The following SAMD5 variants were observed in gnomAD, a reference collection of about 807,000 sequenced individuals.
The protein encoded by SAMD5 is sterile alpha motif domain containing 5, also known as sterile alpha motif domain-containing protein 5.
SAMD5 carries 13 observed loss-of-function variants against 11.3 expected under a neutral mutation model. The observed-to-expected ratio is 1.15, with a 90% CI of 0.75 to 1.83. The LOEUF is 1.83. SAMD5 is among the 40% of genes most tolerant of loss of function. The pLI is 0.00. For synonymous variants in SAMD5, 129 were observed against 111.3 expected, an observed-to-expected ratio of 1.16 and a Z score of -1.00; for missense variants, 255 against 239.1, an observed-to-expected ratio of 1.07 and a Z score of -0.44.
the SAMD5 span, among the ~76,000 whole-genome samples, chr6:147,862,587 A>T: frequency 6.6e-6 from 1 of 152,230 alleles, no homozygotes; most frequent in Non-Finnish European, 1.5e-5. Context: ...GAAAGGCCAG[A>T]TGTGAGGGAA....
the SAMD5 span, among the ~76,000 whole-genome samples, chr6:147,773,377 T>C: frequency 1.3e-5 from 2 of 152,158 alleles, no homozygotes; most frequent in African/African-American, 4.8e-5. Flanking sequence ...AAATCACAGT[T>C]CACTCATCTG....
At chr6:147,620,962 C>CTGTG (rs78040354) in intron 1 of SAMD5, among the ~76,000 whole-genome samples, 6,848 of 128,424 alleles carry the variant, frequency 0.053, 482 homozygotes, top group African/African-American at 0.16. Context: ...GTATGTGCCT[C>CTGTG]TGTGTGTGTG....
At chr6:147,520,122 T>TTG (rs1343702338) in intron 1 of SAMD5, among the ~76,000 whole-genome samples, 1 of 150,906 alleles carries the variant, frequency 6.6e-6, no homozygotes, top group Admixed American at 6.6e-5. Context: ...TTATAGTTTT[T>TTG]TTTTTTTTTT....
At chr6:147,945,932 T>G in the SAMD5 span, among the ~76,000 whole-genome samples, 1 of 152,180 alleles carries the variant, frequency 6.6e-6, no homozygotes, top group African/African-American at 2.4e-5. Context: ...AGCTTATTAC[T>G]GGGAGGTGAG....
At chr6:147,601,973 T>C (rs1198279656) in intron 1 of SAMD5, among the ~76,000 whole-genome samples, 1 of 152,198 alleles carries the variant, frequency 6.6e-6, no homozygotes, top group Admixed American at 6.5e-5. Context: ...GGCTGAAGAC[T>C]CAGCAGAGTT....
chr6:147,703,589 G>T (rs964364291), intron 1 of SAMD5, among the ~76,000 whole-genome samples: 25 of 152,172 alleles, frequency 1.6e-4, no homozygotes, highest in African/African-American at 6.0e-4. Context: ...TGCTGTATTT[G>T]TTTTATTTGG....
intron 1 of SAMD5, among the ~76,000 whole-genome samples, chr6:147,685,051 A>G (rs1790989991): frequency 1.3e-5 from 2 of 152,220 alleles, no homozygotes; most frequent in Non-Finnish European, 2.9e-5. Flanking sequence ...CTCATTGTGT[A>G]ACTTATGGAA....
chr6:147,709,278 C>T (rs1366879181), intron 1 of SAMD5, among the ~76,000 whole-genome samples: 1 of 152,182 alleles, frequency 6.6e-6, no homozygotes, highest in East Asian at 1.9e-4. Flanking sequence ...TGGCAAATCT[C>T]TTAAGATATT....
chr6:147,671,241 A>C (rs79711923), intron 1 of SAMD5, among the ~76,000 whole-genome samples: 2,414 of 152,306 alleles, frequency 0.016, 66 homozygotes, highest in African/African-American at 0.054. Context: ...CTCTGATCAC[A>C]GATCACCATA....
intron 1 of SAMD5, among the ~76,000 whole-genome samples, chr6:147,546,224 G>T (rs1375064681): frequency 6.6e-6 from 1 of 152,138 alleles, no homozygotes; most frequent in Non-Finnish European, 1.5e-5. Flanking sequence ...ACTGGCGCAG[G>T]ATGATTTTTA....
the SAMD5 span, among the ~76,000 whole-genome samples, chr6:147,877,962 G>T: frequency 1.5e-4 from 19 of 123,202 alleles, 1 homozygote; most frequent in Non-Finnish European, 3.2e-4. Flanking sequence ...GTCACTCAGG[G>T]TGGACATCAG....
At chr6:147,790,839 T>C in the SAMD5 span, among the ~76,000 whole-genome samples, 1 of 143,944 alleles carries the variant, frequency 6.9e-6, no homozygotes, top group African/African-American at 2.6e-5. Context: ...CTCTGTCTCC[T>C]CTCTCTCTGA....
the SAMD5 span, among the ~76,000 whole-genome samples, chr6:147,914,751 A>G: frequency 6.6e-6 from 1 of 152,168 alleles, no homozygotes; most frequent in African/African-American, 2.4e-5. Context: ...AATCAGTTTC[A>G]CACCTTGACT....
chr6:147,902,774 A>C, the SAMD5 span, among the ~76,000 whole-genome samples: 3 of 152,024 alleles, frequency 2.0e-5, no homozygotes, highest in Non-Finnish European at 4.4e-5. Context: ...TCTTCTTAAA[A>C]CTTTTTCTGT....
At chr6:147,907,923 G>T in the SAMD5 span, among the ~76,000 whole-genome samples, 1 of 152,246 alleles carries the variant, frequency 6.6e-6, no homozygotes, top group South Asian at 2.1e-4. Flanking sequence ...CAACCAAAAT[G>T]TGTATTATTG....
intron 1 of SAMD5, among the ~76,000 whole-genome samples, chr6:147,548,480 G>A (rs1439942624): frequency 6.6e-6 from 1 of 152,102 alleles, no homozygotes; most frequent in Non-Finnish European, 1.5e-5. Context: ...CCCCAGAATG[G>A]GAAATGCAGA....
intron 1 of SAMD5, among the ~76,000 whole-genome samples, chr6:147,643,756 G>C (rs12110650): frequency 1.4e-5 from 2 of 141,056 alleles, no homozygotes; most frequent in Non-Finnish European, 3.1e-5. Context: ...AAGGAAGGAA[G>C]GAAGGAAGGA....
At chr6:147,818,706 C>T in the SAMD5 span, among the ~76,000 whole-genome samples, 3 of 152,038 alleles carry the variant, frequency 2.0e-5, no homozygotes, top group Non-Finnish European at 2.9e-5. Context: ...GCCAATGGCC[C>T]GGACCTGTCT....
At chr6:147,614,771 A>T (rs1286045071) in intron 1 of SAMD5, among the ~76,000 whole-genome samples, 3 of 151,980 alleles carry the variant, frequency 2.0e-5, no homozygotes, top group Non-Finnish European at 4.4e-5. Flanking sequence ...GAGTACATAC[A>T]TACTTTAAAA....
Sources: allele counts gnomAD v4.1 joint callset (sites outside exome capture counted in the v4.1 genomes callset), GRCh38; gene constraint gnomAD v4.1.1; transcripts MANE v1.5; gene names NCBI Gene and HGNC (gene_info 2026-07-23, HGNC 2026-07-21).